The following ASTN2 variants were observed in gnomAD, a reference collection of about 807,000 sequenced individuals.
The protein encoded by ASTN2 is astrotactin-2.
Under a neutral mutation model 139.8 loss-of-function variants are expected in ASTN2, and 54 were observed. The observed-to-expected ratio is 0.39, with a 90% CI of 0.31 to 0.48. ASTN2 has a LOEUF of 0.48. ASTN2 is among the 20% of genes least tolerant of loss of function. ASTN2 has a pLI of 0.95. For synonymous variants in ASTN2, 756 were observed against 719.5 expected (o/e 1.05, Z -0.81); for missense variants, 1,565 against 1,725.1 (o/e 0.91, Z 1.64).
intron 1 of ASTN2, among the ~76,000 whole-genome samples, chr9:117,336,142 G>GCTGGGGAAGA (rs1468367818): frequency 6.6e-6 from 1 of 152,002 alleles, no homozygotes; most frequent in African/African-American, 2.4e-5. Context: ...GTAAAACAAG[G>GCTGGGGAAGA]CCTCAGACAG....
At chr9:116,552,480 G>C (rs532405734) in intron 19 of ASTN2, among the ~76,000 whole-genome samples, 1 of 152,284 alleles carries the variant, frequency 6.6e-6, no homozygotes, top group African/African-American at 2.4e-5. Context: ...TCATCCACTA[G>C]AATTTGCCTC....
chr9:117,204,308 C>T (rs1307417737), intron 3 of ASTN2, among the ~76,000 whole-genome samples: 2 of 152,202 alleles, frequency 1.3e-5, no homozygotes, highest in Non-Finnish European at 2.9e-5. Context: ...ATCCACCTGC[C>T]TCAGCCTCCC....
chr9:116,997,448 C>G (rs1443511721), intron 7 of ASTN2, among the ~76,000 whole-genome samples: 3 of 152,152 alleles, frequency 2.0e-5, no homozygotes, highest in African/African-American at 7.2e-5. Context: ...TGTATTGTTT[C>G]CCTGCCCTCA....
At chr9:117,169,814 A>C (rs935512732) in intron 3 of ASTN2, among the ~76,000 whole-genome samples, 8 of 152,148 alleles carry the variant, frequency 5.3e-5, no homozygotes, top group African/African-American at 1.9e-4. Flanking sequence ...ATCCCAGTGA[A>C]GGGAGGGAGT....
intron 17 of ASTN2, among the ~76,000 whole-genome samples, chr9:116,638,963 A>G (rs183320113): frequency 9.2e-4 from 140 of 152,356 alleles, no homozygotes; most frequent in African/African-American, 3.2e-3. Context: ...TTTACACATG[A>G]AATTATCTCA....
chr9:116,670,982 A>C lies in ASTN2; in HGVS notation c.2807-19189T>G, dbSNP rs1278557293. On this transcript the variant is annotated intron_variant, in intron 16 of 22. Transcript: ENST00000313400. ...ATATCAACTCAAGGAAATAAACTAG[A>C]AAGGAAAAAAAATGTATCTGCACAA... Among the ~76,000 whole-genome samples the C allele has an allele frequency of 1.6e-4, 25 of 152,102 alleles. 1 individual carries two copies. Among genetic ancestry groups the C allele is most frequent in the Admixed American group, 1.6e-3 (25 of 15,280 alleles).
chr9:116,946,398 T>G lies in ASTN2; in HGVS notation c.1889+28810A>C, dbSNP rs557963440. Among the ~76,000 whole-genome samples, 23 of 152,296 alleles carry G rather than the reference T, an allele frequency of 1.5e-4. No individual in the cohort carries two copies. The East Asian group carries it at 3.9e-3, about 26-fold the overall frequency. On this transcript the variant is annotated intron_variant, in intron 10 of 22. Coordinates refer to ENST00000313400, the MANE Select transcript of ASTN2 (RefSeq NM_001365068.1). ...AAGCATCCTGGAACAAGGGTATGCA[T>G]GTTTATTCCCCCACCCCCAACTTAA...
At chr9:116,564,955 A>G (rs533256506) in intron 19 of ASTN2, among the ~76,000 whole-genome samples, 253 of 152,228 alleles carry the variant, frequency 1.7e-3, no homozygotes, top group Non-Finnish European at 3.1e-3. Flanking sequence ...TCCTCTAAGC[A>G]TCATTGTCCA....
At chr9:117,095,993 G>C in intron 5 of ASTN2, 51 bp downstream of exon 5, 1 of 1,542,530 alleles carries the variant, frequency 6.5e-7, no homozygotes, top group Non-Finnish European at 9.0e-7. Context: ...CTGATTTCCA[G>C]GATTTCCTTC....
intron 20 of ASTN2, among the ~76,000 whole-genome samples, chr9:116,483,852 A>T (rs1214943356): frequency 3.5e-4 from 53 of 152,202 alleles, no homozygotes; most frequent in Non-Finnish European, 1.9e-4. Context: ...GAATCTGAAC[A>T]TTTAATCCAA....
chr9:117,181,027 G>A, intron 3 of ASTN2: 1 of 1,564,080 alleles, frequency 6.4e-7, no homozygotes. Context: ...CCTGCACTGG[G>A]GTAGCGCAAG....
intron 1 of ASTN2, among the ~76,000 whole-genome samples, chr9:117,352,739 C>A (rs1009915164): frequency 2.0e-5 from 3 of 152,028 alleles, no homozygotes; most frequent in African/African-American, 7.2e-5. Context: ...TTTCATCGCT[C>A]GGCCAAAAGG....
At chr9:116,587,670 C>T (rs1165134845) in intron 19 of ASTN2, among the ~76,000 whole-genome samples, 1 of 152,150 alleles carries the variant, frequency 6.6e-6, no homozygotes, top group African/African-American at 2.4e-5. Flanking sequence ...TACATCCCAA[C>T]TGCACTTCTT....
intron 1 of ASTN2, among the ~76,000 whole-genome samples, chr9:117,396,407 G>C (rs568682529): frequency 6.6e-6 from 1 of 152,086 alleles, no homozygotes; most frequent in Non-Finnish European, 1.5e-5. Flanking sequence ...TTTGCCACCC[G>C]TTAAGTTGTA....
intron 20 of ASTN2, among the ~76,000 whole-genome samples, chr9:116,485,322 C>A (rs1468492479): frequency 4.0e-5 from 6 of 151,228 alleles, no homozygotes; most frequent in Non-Finnish European, 7.4e-5. Context: ...AGGACAGGGT[C>A]AGGATTTGAA....
At chr9:116,482,441 T>G (rs1203815529) in intron 20 of ASTN2, among the ~76,000 whole-genome samples, 1 of 152,166 alleles carries the variant, frequency 6.6e-6, no homozygotes, top group Non-Finnish European at 1.5e-5. Context: ...GAATACTCAA[T>G]AAAATATTAT....
rs114350604 is a variant in ASTN2, at chr9:117,237,799, T to C, written c.631-23057A>G. Among the ~76,000 whole-genome samples the C allele has an allele frequency of 8.8e-3, 1,344 of 152,328 alleles. 28 individuals are homozygous for C. The highest frequency in any genetic ancestry group is 0.031 in the African/African-American group (1,297 of 41,570). Reference sequence around the variant, plus strand: ...CAGCCGAGGTTGAGTTCTGCCTGTGTGCCATGTGTGCCATGCTCACAGTGT... The same window carrying C: ...CAGCCGAGGTTGAGTTCTGCCTGTGCGCCATGTGTGCCATGCTCACAGTGT... On this transcript the variant is annotated intron_variant, in intron 2 of 22. Transcript: ENST00000313400.
At chr9:117,409,854 C>A (rs1831112654) in intron 1 of ASTN2, among the ~76,000 whole-genome samples, 1 of 152,310 alleles carries the variant, frequency 6.6e-6, no homozygotes, top group Non-Finnish European at 1.5e-5. Context: ...ATTCTTCTGG[C>A]CAGGTTCCTG....
intron 10 of ASTN2, among the ~76,000 whole-genome samples, chr9:116,969,103 G>C (rs1047950352): frequency 6.6e-6 from 1 of 152,038 alleles, no homozygotes; most frequent in Non-Finnish European, 1.5e-5. Flanking sequence ...CTGGTTTCAA[G>C]GGTAAGTTGG....
Sources: gnomAD v4.1 joint callset for allele counts (sites outside exome capture counted in the v4.1 genomes callset) on GRCh38, gnomAD v4.1.1 for gene constraint, MANE v1.5 for transcripts, NCBI Gene and HGNC (gene_info 2026-07-23, HGNC 2026-07-21) for gene names.